The following CRYL1 variants were observed in gnomAD, a reference collection of about 807,000 sequenced individuals.
CRYL1 encodes the protein lambda-crystallin homolog.
In CRYL1, 29 loss-of-function variants were observed where a neutral mutation model predicts 36.6. The observed-to-expected ratio is 0.79, with a 90% CI of 0.59 to 1.08. CRYL1 has a LOEUF of 1.08. Ranked by LOEUF, CRYL1 falls within the 50% of genes least tolerant of loss-of-function variation. The pLI is 0.00. For synonymous variants in CRYL1, 152 were observed against 151.5 expected (o/e 1.00, Z -0.02); for missense variants, 411 against 407.9 (o/e 1.01, Z -0.06).
Position 20,512,442 on chromosome 13 carries a change from C to A in CRYL1, c.149+1G>T. Reference sequence around the variant, plus strand: ...CTTCTGGAGAGCGCCGGCTGGCCCACCTGATGTTTTCCAGGGCGTTCCTTA... The same window carrying A: ...CTTCTGGAGAGCGCCGGCTGGCCCAACTGATGTTTTCCAGGGCGTTCCTTA... On this transcript the variant is annotated splice_donor_variant, in intron 2 of 7. Coordinates refer to ENST00000298248, the MANE Select transcript of CRYL1 (RefSeq NM_015974.3). LOFTEE classifies it high-confidence loss of function. 1 of 1,611,008 alleles carries A rather than the reference C, an allele frequency of 6.2e-7. No homozygotes were observed. The highest frequency in any genetic ancestry group is 8.5e-7 in the Non-Finnish European group (1 of 1,177,434).
chr13:20,516,190 CAAAAAAAAAAA>C (rs35780379), intron 1 of CRYL1, among the ~76,000 whole-genome samples: 2 of 73,294 alleles, frequency 2.7e-5, no homozygotes, highest in African/African-American at 1.2e-4. Flanking sequence ...AACTCCATCT[CAAAAAAAAAAA>C]AAAAAAAAAA....
chr13:20,457,313 A>G (rs2032713012), intron 3 of CRYL1, among the ~76,000 whole-genome samples: 1 of 152,180 alleles, frequency 6.6e-6, no homozygotes, highest in African/African-American at 2.4e-5. Flanking sequence ...TTCATATTAA[A>G]TTTGCCCTGT....
chr13:20,471,274 T>C (rs1205515216), intron 3 of CRYL1, among the ~76,000 whole-genome samples: 1 of 151,834 alleles, frequency 6.6e-6, no homozygotes, highest in Non-Finnish European at 1.5e-5. Flanking sequence ...AACAAAAACA[T>C]GTATATGAAA....
intron 2 of CRYL1, among the ~76,000 whole-genome samples, chr13:20,506,560 AC>A (rs1201723556): frequency 1.3e-5 from 2 of 152,082 alleles, no homozygotes; most frequent in Non-Finnish European, 1.5e-5. Flanking sequence ...CTTATCCACA[AC>A]CCTCCATCAT....
intron 3 of CRYL1, among the ~76,000 whole-genome samples, chr13:20,462,785 G>A (rs1291853512): frequency 6.6e-6 from 1 of 151,742 alleles, no homozygotes; most frequent in Non-Finnish European, 1.5e-5. Flanking sequence ...TGCAGGAACG[G>A]TACCATCCCA....
intron 3 of CRYL1, among the ~76,000 whole-genome samples, chr13:20,466,183 C>T (rs1484237597): frequency 6.6e-6 from 1 of 152,182 alleles, no homozygotes; most frequent in East Asian, 1.9e-4. Context: ...ACACAATGCA[C>T]TTGGATATAT....
chr13:20,411,364 T>C (rs2031518276), intron 6 of CRYL1, among the ~76,000 whole-genome samples: 1 of 152,230 alleles, frequency 6.6e-6, no homozygotes, highest in African/African-American at 2.4e-5. Context: ...GCCACTCTAT[T>C]TGATTCTTGA....
chr13:20,454,187 A>C (rs1338226216), intron 3 of CRYL1, among the ~76,000 whole-genome samples: 4 of 152,162 alleles, frequency 2.6e-5, no homozygotes, highest in African/African-American at 9.7e-5. Context: ...AAGACATTAC[A>C]TGGGGAAAAA....
chr13:20,485,210 G>C (rs576914306), intron 3 of CRYL1, among the ~76,000 whole-genome samples: 3 of 152,208 alleles, frequency 2.0e-5, no homozygotes, highest in African/African-American at 7.2e-5. Flanking sequence ...GTAGAGATGG[G>C]GTTTCACCAT....
chr13:20,454,576 C>A (rs145661545), intron 3 of CRYL1, among the ~76,000 whole-genome samples: 4 of 152,096 alleles, frequency 2.6e-5, no homozygotes, highest in African/African-American at 9.6e-5. Context: ...TGCCACCACA[C>A]CCGGCTAATT....
chr13:20,420,838 C>T (rs1218084824), intron 5 of CRYL1, among the ~76,000 whole-genome samples: 3 of 151,074 alleles, frequency 2.0e-5, no homozygotes, highest in Non-Finnish European at 4.4e-5. Context: ...TGGGTTCAAG[C>T]GATTCTCCTG....
chr13:20,460,617 C>T (rs1395911531), intron 3 of CRYL1, among the ~76,000 whole-genome samples: 2 of 147,566 alleles, frequency 1.4e-5, no homozygotes, highest in Non-Finnish European at 3.0e-5. Flanking sequence ...GCTCCGCCAC[C>T]CGGGTTCACG....
In CRYL1 at chr13:20,525,660, C is replaced by A; in HGVS notation, c.41+94G>T. On this transcript the variant is annotated intron_variant, in intron 1 of 7. Transcript: ENST00000298248. The surrounding 1 kb of genome is among the most constrained non-coding windows in gnomAD (Gnocchi z 4.3). ...CCGGAGGCCGGGGCGGGGACAGCGA[C>A]CCGGCGCCCACCCCGAGGGCCCCAC... 1 of 1,073,292 alleles carries A rather than the reference C, an allele frequency of 9.3e-7. No individual in the cohort carries two copies. Among genetic ancestry groups the A allele is most frequent in the Non-Finnish European group, 1.2e-6 (1 of 834,204 alleles). The allele number at this position is 1,073,292 out of a possible 1,614,324, so 66.5% of individuals were successfully genotyped here.
At chr13:20,487,006 C>T (rs972522837) in intron 3 of CRYL1, among the ~76,000 whole-genome samples, 2 of 152,052 alleles carry the variant, frequency 1.3e-5, no homozygotes, top group African/African-American at 2.4e-5. Context: ...ATAATGTTCT[C>T]ATATTATGGA....
At chr13:20,422,646 CA>C (rs1196450118) in intron 5 of CRYL1, among the ~76,000 whole-genome samples, 1 of 152,228 alleles carries the variant, frequency 6.6e-6, no homozygotes, top group African/African-American at 2.4e-5. Flanking sequence ...GAAAGCTTTA[CA>C]AATATGCTTA....
At chr13:20,451,116 G>A (rs1447608437) in intron 3 of CRYL1, among the ~76,000 whole-genome samples, 2 of 151,822 alleles carry the variant, frequency 1.3e-5, no homozygotes, top group African/African-American at 2.4e-5. Context: ...TGTAAACGAC[G>A]AGTTAATGGG....
In CRYL1 at chr13:20,418,359, T is replaced by G. The variant is rs182210441; in HGVS notation, c.634-4972A>C. 2.0e-5 allele frequency: 3 copies of G among 152,224 alleles called. No homozygotes were observed. In the East Asian group the frequency reaches 5.8e-4, roughly 29 times the overall value. 9.4% of individuals were successfully genotyped at this position (152,224 alleles called of 1,614,324 possible). On this transcript the variant is annotated intron_variant, in intron 5 of 7. Coordinates refer to ENST00000298248, the MANE Select transcript of CRYL1 (RefSeq NM_015974.3). ...GAGGAAGCAAGACACATCTAACAAT[T>G]AACAATAGCAAAGGGTTAACAGATG...
chr13:20,486,825 T>C (rs1423860000), intron 3 of CRYL1, among the ~76,000 whole-genome samples: 1 of 152,222 alleles, frequency 6.6e-6, no homozygotes, highest in African/African-American at 2.4e-5. Context: ...CCCCATGTCA[T>C]TCTTTATTAC....
chr13:20,469,880 T>C (rs568642515), intron 3 of CRYL1, among the ~76,000 whole-genome samples: 1 of 152,264 alleles, frequency 6.6e-6, no homozygotes, highest in East Asian at 1.9e-4. Flanking sequence ...GCCCCTCTCC[T>C]AAAGCTGCAG....
Sources: allele counts gnomAD v4.1 joint callset (sites outside exome capture counted in the v4.1 genomes callset), GRCh38; gene constraint gnomAD v4.1.1; non-coding constraint Gnocchi (gnomAD v3.1); transcripts MANE v1.5; gene names NCBI Gene and HGNC (gene_info 2026-07-23, HGNC 2026-07-21).